Variants in POU3F2 observed in about 807,000 individuals in gnomAD.
POU3F2 encodes POU domain, class 3, transcription factor 2.
POU3F2 carries 11 observed loss-of-function variants against 33.1 expected under a neutral mutation model. The observed-to-expected ratio is 0.33, with a 90% CI of 0.21 to 0.55. POU3F2 has a LOEUF of 0.55. POU3F2 is among the 20% of genes least tolerant of loss of function. POU3F2 has a pLI of 0.91. For synonymous variants in POU3F2, 332 were observed against 289.6 expected (o/e 1.15, Z -1.49); for missense variants, 456 against 620.2 (o/e 0.74, Z 2.81).
chr6:98,834,831 C>G lies in POU3F2; in HGVS notation c.-43C>G, dbSNP rs748117807. ...GAGGCGAAAAAGTAACTGTCAAATG[C>G]GCGGCTCCTTTAACCGGAGCGCTCA... On this transcript the variant is annotated 5_prime_UTR_variant, in exon 1 of 1. Coordinates refer to ENST00000328345, the MANE Select transcript of POU3F2 (RefSeq NM_005604.4). 2 of 1,573,692 alleles carry G rather than the reference C, an allele frequency of 1.3e-6. No homozygotes were observed. The highest frequency in any genetic ancestry group is 1.7e-6 in the Non-Finnish European group (2 of 1,165,092).
rs958590573 is a variant in POU3F2 at position 98,837,033 on chromosome 6, G to A, written c.*828G>A. 1 of 167,068 alleles carries A rather than the reference G, an allele frequency of 6.0e-6. No homozygotes were observed. Among genetic ancestry groups the A allele is most frequent in the African/African-American group, 2.4e-5 (1 of 41,452 alleles). 10.3% of individuals were successfully genotyped at this position (167,068 alleles called of 1,614,324 possible). On this transcript the variant is annotated 3_prime_UTR_variant, in exon 1 of 1. Transcript: ENST00000328345. ...CAAAATAGACAATTCTCTGATTTCA[G>A]GAAATGTGCATGGTCTACCCGCTTT...
Position 98,835,866 on chromosome 6 carries a change from G to A in POU3F2, c.993G>A (p.Trp331Ter). The change falls in exon 1 of 1, where the codon TGG becomes TGA. Residue 331 changes from tryptophan (W) to a stop codon, truncating the protein, a stop_gained. Coordinates refer to ENST00000328345, the MANE Select transcript of POU3F2 (RefSeq NM_005604.4). LOFTEE classifies it high-confidence loss of function. The surrounding 1 kb of genome is among the most constrained non-coding windows in gnomAD (Gnocchi z 9.7). ...MCKLKPLLNK[W>*]LEEADSSSGS... ...AGCTGAAGCCTTTGTTGAACAAGTG[G>A]TTGGAGGAGGCGGACTCGTCCTCGG... 1 of 1,614,212 alleles carries A rather than the reference G, an allele frequency of 6.2e-7. No homozygotes were observed. The highest frequency in any genetic ancestry group is 8.5e-7 in the Non-Finnish European group (1 of 1,180,046).
chr6:98,834,922 TCCATCGTGCACG>T lies in POU3F2; in HGVS notation c.52_63del (p.Ile18_Ala21del). On this transcript the variant is annotated inframe_deletion, in exon 1 of 1. Coordinates refer to ENST00000328345, the MANE Select transcript of POU3F2 (RefSeq NM_005604.4). ...CTACAGCCTGCTCACCTCCAGCGCC[TCCATCGTGCACG>T]CCGAGCCGCCCGGCGGCATGCAGCA... 1 of 1,599,040 alleles carries T rather than the reference TCCATCGTGCACG, an allele frequency of 6.3e-7. No individual in the cohort carries two copies. The highest frequency in any genetic ancestry group is 8.5e-7 in the Non-Finnish European group (1 of 1,178,718).
Position 98,834,768 on chromosome 6 carries a change from G to A in POU3F2, c.-106G>A. Reference sequence around the variant, plus strand: ...CGTCGGAGCTGCCCGCTGTGGGAGAGAGAGGAGACAGAAAGAGCGAGCGAG... The same window carrying A: ...CGTCGGAGCTGCCCGCTGTGGGAGAAAGAGGAGACAGAAAGAGCGAGCGAG... On this transcript the variant is annotated 5_prime_UTR_variant, in exon 1 of 1. Transcript: ENST00000328345. 1 of 1,284,228 alleles carries A rather than the reference G, an allele frequency of 7.8e-7. No individual in the cohort carries two copies. The highest frequency in any genetic ancestry group is 1.4e-5 in the South Asian group (1 of 73,060). The allele number at this position is 1,284,228 out of a possible 1,614,324, so 79.6% of individuals were successfully genotyped here.
chr6:98,834,689 G>T lies in POU3F2; in HGVS notation c.-185G>T. On this transcript the variant is annotated 5_prime_UTR_variant, in exon 1 of 1. Coordinates refer to ENST00000328345, the MANE Select transcript of POU3F2 (RefSeq NM_005604.4). ...GCGAGGGCGGGCGGGAGGCGGCGGC[G>T]GCGGCAGCAGCAGCAGTAATAGCAG... The T allele has an allele frequency of 1.5e-6, 1 of 657,378 alleles. No individual in the cohort carries two copies. The allele number at this position is 657,378 out of a possible 1,614,324, so 40.7% of individuals were successfully genotyped here. A position where few individuals can be genotyped will look rare whatever the true frequency, so the allele number is the denominator to read the frequency against.
chr6:98,838,427 C>T lies in POU3F2; in HGVS notation c.*2222C>T, dbSNP rs568570734. On this transcript the variant is annotated 3_prime_UTR_variant, in exon 1 of 1. Transcript: ENST00000328345. ...TGAAAGTTACCACTGAACCTTACCA[C>T]TATGTATATATGTTTAATATCTGTC... is the stretch of plus-strand genomic sequence containing the variant. 9 of 166,986 alleles carry T rather than the reference C, an allele frequency of 5.4e-5. No individual in the cohort carries two copies. In the South Asian group the frequency reaches 1.2e-3, roughly 23 times the overall value. 10.3% of individuals were successfully genotyped at this position (166,986 alleles called of 1,614,324 possible).
In POU3F2 at chr6:98,836,342, G is replaced by T; in HGVS notation, c.*137G>T. 1 of 1,186,106 alleles carries T rather than the reference G, an allele frequency of 8.4e-7. No homozygotes were observed. The allele number at this position is 1,186,106 out of a possible 1,614,324, so 73.5% of individuals were successfully genotyped here. On this transcript the variant is annotated 3_prime_UTR_variant, in exon 1 of 1. Transcript: ENST00000328345. ...TTATTATTTCCCCGTCCCTTAAAAA[G>T]ACAAAAAAAATAAGGCAAAAGGAAA...
Position 98,835,388 on chromosome 6 carries a change from C to T in POU3F2, c.515C>T (p.Ala172Val). Residue 172 changes from alanine to valine, a missense_variant, in exon 1 of 1, where the codon GCG becomes GTG. By Grantham distance (64) the Ala-to-Val change is moderately conservative (BLOSUM62 0). Transcript: ENST00000328345. The surrounding 1 kb of genome is among the most constrained non-coding windows in gnomAD (Gnocchi z 9.7). The part of the protein sequence containing the change: ...HPGPGAWRSA[A>V]AAAHLPPSMG... ...GGACCCGGGGCATGGCGGAGCGCGG[C>T]GGCTGCAGCGCACCTCCCACCCTCC... 4 of 1,569,384 alleles carry T rather than the reference C, an allele frequency of 2.5e-6. No homozygotes were observed. The Admixed American group carries it at 5.4e-5, about 21-fold the overall frequency.
chr6:98,836,433 G>A lies in POU3F2; in HGVS notation c.*228G>A, dbSNP rs192443961. ...TAATGATGTGTTTTGACCTTTGCAG[G>A]CGAGTAACCAGGCAATGGAGTGGAG... is the stretch of plus-strand genomic sequence containing the variant. On this transcript the variant is annotated 3_prime_UTR_variant, in exon 1 of 1. Transcript: ENST00000328345. 1.8e-3 allele frequency: 969 copies of A among 524,432 alleles called. No homozygotes were observed. Among genetic ancestry groups the A allele is most frequent in the Non-Finnish European group, 2.4e-3 (738 of 306,610 alleles). 32.5% of individuals were successfully genotyped at this position (524,432 alleles called of 1,614,324 possible). A position where few individuals can be genotyped will look rare whatever the true frequency, so the allele number is the denominator to read the frequency against.
rs377608434 is a variant in POU3F2, at chr6:98,835,929, G to C, written c.1056G>C (p.Gly352=). The change falls in exon 1 of 1, where the codon GGG becomes GGC. Residue 352 remains glycine (G), a synonymous_variant. Transcript: ENST00000328345. The surrounding 1 kb of genome is among the most constrained non-coding windows in gnomAD (Gnocchi z 9.7). ...GCATAGACAAGATCGCAGCGCAAGG[G>C]CGCAAGCGGAAAAAGCGGACCTCCA... The part of the protein sequence containing the change: ...PTSIDKIAAQ[G]RKRKKRTSIE... The C allele has an allele frequency of 2.5e-6, 4 of 1,614,202 alleles. No homozygotes were observed. Among genetic ancestry groups the C allele is most frequent in the East Asian group, 2.2e-5 (1 of 44,870 alleles).
rs1336301317 is a variant in POU3F2 at position 98,838,658 on chromosome 6, G to A, written c.*2453G>A. Reference sequence around the variant, plus strand: ...AATCTATATGGGATGTAATTTTTTTGTTCAGTCTCTTAAAAAATACTTTGT... The same window carrying A: ...AATCTATATGGGATGTAATTTTTTTATTCAGTCTCTTAAAAAATACTTTGT... On this transcript the variant is annotated 3_prime_UTR_variant, in exon 1 of 1. Transcript: ENST00000328345. 1 of 165,888 alleles carries A rather than the reference G, an allele frequency of 6.0e-6. No homozygotes were observed. The highest frequency in any genetic ancestry group is 2.4e-5 in the African/African-American group (1 of 41,360). 10.3% of individuals were successfully genotyped at this position (165,888 alleles called of 1,614,324 possible). A position where few individuals can be genotyped will look rare whatever the true frequency, so the allele number is the denominator to read the frequency against.
In POU3F2 at chr6:98,836,642, G is replaced by A. The variant is rs1770003122; in HGVS notation, c.*437G>A. 1 of 170,234 alleles carries A rather than the reference G, an allele frequency of 5.9e-6. No individual in the cohort carries two copies. Among genetic ancestry groups the A allele is most frequent in the African/African-American group, 2.4e-5 (1 of 41,606 alleles). 10.5% of individuals were successfully genotyped at this position (170,234 alleles called of 1,614,324 possible). On this transcript the variant is annotated 3_prime_UTR_variant, in exon 1 of 1. Coordinates refer to ENST00000328345, the MANE Select transcript of POU3F2 (RefSeq NM_005604.4). ...ATGCTTAGAGTTGGCACATGCTGCT[G>A]TGTTTATTTATTGTGGATTCCCATC...
rs751627810 is a variant in POU3F2 at position 98,835,073 on chromosome 6, A to ACGGCGG, written c.210_215dup (p.Gly87_Gly88dup). Reference sequence around the variant, plus strand: ...CACCAGTGGATCACCGCGCTGTCCCACGGCGGCGGCGGCGGGGGCGGTGGC... The same window carrying ACGGCGG: ...CACCAGTGGATCACCGCGCTGTCCCACGGCGGCGGCGGCGGCGGCGGGGGCGGTGGC... On this transcript the variant is annotated inframe_insertion, in exon 1 of 1. Coordinates refer to ENST00000328345, the MANE Select transcript of POU3F2 (RefSeq NM_005604.4). This position sits in a 1 kb window ranked among gnomAD's most constrained non-coding sequence, Gnocchi z 9.7. 6 of 1,218,294 alleles carry ACGGCGG rather than the reference A, an allele frequency of 4.9e-6. No homozygotes were observed. The highest frequency in any genetic ancestry group is 6.1e-6 in the Non-Finnish European group (6 of 979,724). 75.5% of individuals were successfully genotyped at this position (1,218,294 alleles called of 1,614,324 possible).
chr6:98,834,727 A>C lies in POU3F2; in HGVS notation c.-147A>C. ...GCAGTAATAGCAGGAGCAGCAACAG[A>C]AGGCGTCGGAGCGGGCGTCGGAGCT... On this transcript the variant is annotated 5_prime_UTR_variant, in exon 1 of 1. Coordinates refer to ENST00000328345, the MANE Select transcript of POU3F2 (RefSeq NM_005604.4). 1.2e-6 allele frequency: 1 copy of C among 830,450 alleles called. No individual in the cohort carries two copies. Among genetic ancestry groups the C allele is most frequent in the Non-Finnish European group, 1.8e-6 (1 of 553,084 alleles). The allele number at this position is 830,450 out of a possible 1,614,324, so 51.4% of individuals were successfully genotyped here. A position where few individuals can be genotyped will look rare whatever the true frequency, so the allele number is the denominator to read the frequency against.
chr6:98,835,101 CGGCGGGGGG>C lies in POU3F2; in HGVS notation c.237_245del (p.Gly86_Gly88del). 1 of 1,166,278 alleles carries C rather than the reference CGGCGGGGGG, an allele frequency of 8.6e-7. No individual in the cohort carries two copies. The highest frequency in any genetic ancestry group is 1.1e-6 in the Non-Finnish European group (1 of 949,656). The allele number at this position is 1,166,278 out of a possible 1,614,324, so 72.2% of individuals were successfully genotyped here. A position where few individuals can be genotyped will look rare whatever the true frequency, so the allele number is the denominator to read the frequency against. On this transcript the variant is annotated inframe_deletion, in exon 1 of 1. Transcript: ENST00000328345. This position sits in a 1 kb window ranked among gnomAD's most constrained non-coding sequence, Gnocchi z 9.7. ...GCGGCGGCGGCGGGGGCGGTGGCGG[CGGCGGGGGG>C]GGCGGGGGCGGCGGCGGGGGCGGCG...
rs1209495943 is a variant in POU3F2 at position 98,836,000 on chromosome 6, G to A, written c.1127G>A (p.Cys376Tyr). Residue 376 changes from cysteine (C) to tyrosine (Y), a missense_variant, in exon 1 of 1, where the codon TGC becomes TAC. Around this residue, in one of 6 missense-constraint regions of POU3F2, gnomAD observed 48 missense variants for 96.0 expected, o/e 0.50. Transcript: ENST00000328345. This position sits in a 1 kb window ranked among gnomAD's most constrained non-coding sequence, Gnocchi z 9.7. ...GCTCTGGAGAGCCATTTCCTCAAAT[G>A]CCCCAAGCCCTCGGCCCAGGAGATC... Reference protein sequence around the residue: ...KGALESHFLKCPKPSAQEITS... With the variant: ...KGALESHFLKYPKPSAQEITS... 6.2e-7 allele frequency: 1 copy of A among 1,613,168 alleles called. No individual in the cohort carries two copies. Among genetic ancestry groups the A allele is most frequent in the Admixed American group, 1.7e-5 (1 of 59,626 alleles).
Position 98,839,361 on chromosome 6 carries a change from G to T in POU3F2, c.*3156G>T, listed in dbSNP as rs564155829. 1 of 152,198 alleles carries T rather than the reference G, an allele frequency of 6.6e-6. No homozygotes were observed. The highest frequency in any genetic ancestry group is 6.5e-5 in the Admixed American group (1 of 15,286). 9.4% of individuals were successfully genotyped at this position (152,198 alleles called of 1,614,324 possible). On this transcript the variant is annotated 3_prime_UTR_variant, in exon 1 of 1. Coordinates refer to ENST00000328345, the MANE Select transcript of POU3F2 (RefSeq NM_005604.4). The stretch of plus-strand genomic sequence containing the variant: ...TAATTTACAAATATCTCTTAACAAA[G>T]AATAACCCTGATAGTATACTATTGT...
At position 98,836,193 on chromosome 6, in the gene POU3F2, G is replaced by T. The variant is rs1345020823; in HGVS notation, c.1320G>T (p.Thr440=). The T allele has an allele frequency of 5.1e-6, 8 of 1,572,554 alleles. No homozygotes were observed. Among genetic ancestry groups the T allele is most frequent in the Non-Finnish European group, 6.8e-6 (8 of 1,168,756 alleles). The change falls in exon 1 of 1, where the codon ACG becomes ACT. Residue 440 remains threonine (T), a synonymous_variant. Coordinates refer to ENST00000328345, the MANE Select transcript of POU3F2 (RefSeq NM_005604.4). ...CTCCACCACACCACGGGGTGCAGAC[G>T]CCCGTCCAGTGAACTCGAGCTGGGG... ...RDTPPHHGVQ[T]PVQ
Position 98,836,150 on chromosome 6 carries a change from A to G in POU3F2, c.1277A>G (p.Tyr426Cys). ...GGTLPGAEDV[Y>C]GGSRDTPPHH... ...ACTCTGCCGGGCGCCGAGGATGTGT[A>G]CGGGGGGAGTAGGGACACTCCACCA... The change falls in exon 1 of 1, where the codon TAC (tyrosine) becomes TGC (cysteine). Residue 426 changes from tyrosine (Y) to cysteine (C), a missense_variant. Tyr to Cys is a radical substitution (Grantham distance 194). This residue lies in a region of POU3F2 where 46 missense variants were observed against 45.6 expected (regional missense o/e 1.01). Transcript: ENST00000328345. The G allele has an allele frequency of 3.7e-6, 6 of 1,603,802 alleles. No individual in the cohort carries two copies. The highest frequency in any genetic ancestry group is 5.1e-6 in the Non-Finnish European group (6 of 1,177,552).
Sources: gnomAD v4.1 joint callset for allele counts on GRCh38, gnomAD v4.1.1 for gene constraint, gnomAD v4.1.1 regional missense constraint, Gnocchi (gnomAD v3.1) non-coding constraint, MANE v1.5 for transcripts, NCBI Gene and HGNC (gene_info 2026-07-23, HGNC 2026-07-21) for gene names.